COBL: variants seen among roughly 807,000 people sequenced by gnomAD.
The protein encoded by COBL is protein cordon-bleu.
In COBL, 51 loss-of-function variants were observed where a neutral mutation model predicts 98.8. The observed-to-expected ratio is 0.52, with a 90% CI of 0.41 to 0.65. COBL has a LOEUF of 0.65. Among genes scored for constraint, COBL ranks in the 30% least tolerant of loss-of-function variants. The probability of loss-of-function intolerance (pLI) is 0.00; values close to 1 mark genes in which losing one functional copy is unlikely to be tolerated. For missense variants in COBL, 1,617 were observed against 1,617.5 expected, an observed-to-expected ratio of 1.00 and a Z score of 0.01; for synonymous variants, 634 against 651.7, an observed-to-expected ratio of 0.97 and a Z score of 0.41.
intron 6 of COBL, among the ~76,000 whole-genome samples, chr7:51,085,738 G>C (rs988048004): frequency 6.6e-6 from 1 of 152,128 alleles, no homozygotes; most frequent in Non-Finnish European, 1.5e-5. Flanking sequence ...GAGCTGATGG[G>C]GGCAGCTCAG....
At chr7:51,176,762 G>A (rs966063035) in intron 5 of COBL, among the ~76,000 whole-genome samples, 2 of 152,134 alleles carry the variant, frequency 1.3e-5, no homozygotes, top group African/African-American at 2.4e-5. Context: ...CACCTGACTC[G>A]TGGCTAAAAT....
chr7:51,204,677 A>T (rs543337185), intron 2 of COBL, among the ~76,000 whole-genome samples: 1 of 151,998 alleles, frequency 6.6e-6, no homozygotes, highest in African/African-American at 2.4e-5. Flanking sequence ...CAGCCTCCCA[A>T]GTAGCTAGGA....
intron 1 of COBL, among the ~76,000 whole-genome samples, chr7:51,287,701 T>C (rs986082073): frequency 6.6e-6 from 1 of 152,218 alleles, no homozygotes; most frequent in Non-Finnish European, 1.5e-5. Flanking sequence ...ATAGCAGCTC[T>C]ATTCACACTC....
Position 51,081,086 on chromosome 7 carries a change from G to T in COBL, c.1096+4080C>A, listed in dbSNP as rs138722471. The stretch of plus-strand genomic sequence containing the variant: ...ATGTGGTGCGCTGGCAGCCAGGAGC[G>T]CGGGGCAGGAGCGGGGCAGGAGAGG... On this transcript the variant is annotated intron_variant, in intron 7 of 12. Transcript: ENST00000265136. Among the ~76,000 whole-genome samples the T allele has an allele frequency of 2.8e-3, 429 of 151,116 alleles. 2 individuals carry two copies. Among genetic ancestry groups the T allele is most frequent in the Admixed American group, 6.0e-3 (91 of 15,290 alleles).
chr7:51,194,188 A>G (rs917314326), intron 2 of COBL, among the ~76,000 whole-genome samples: 10 of 152,122 alleles, frequency 6.6e-5, no homozygotes, highest in African/African-American at 1.9e-4. Context: ...GCTCCCACCT[A>G]TAAGTGAGAA....
intron 1 of COBL, among the ~76,000 whole-genome samples, chr7:51,244,577 G>A (rs1410640830): frequency 6.6e-6 from 1 of 152,010 alleles, no homozygotes; most frequent in Non-Finnish European, 1.5e-5. Context: ...GTCTCATGGG[G>A]CCCAGCCTCT....
chr7:51,226,829 T>C (rs1192940021), intron 1 of COBL, among the ~76,000 whole-genome samples: 1 of 152,202 alleles, frequency 6.6e-6, no homozygotes, highest in African/African-American at 2.4e-5. Context: ...CCAGCCACCA[T>C]GCCACACTGT....
At chr7:51,125,243 CTT>C (rs1798092848) in intron 6 of COBL, among the ~76,000 whole-genome samples, 1 of 152,110 alleles carries the variant, frequency 6.6e-6, no homozygotes, top group Non-Finnish European at 1.5e-5. Context: ...TATGACTGTA[CTT>C]ATAAGAAGAG....
intron 1 of COBL, among the ~76,000 whole-genome samples, chr7:51,254,017 A>G (rs1470645969): frequency 1.3e-5 from 2 of 151,902 alleles, no homozygotes; most frequent in Non-Finnish European, 2.9e-5. Flanking sequence ...TCTAATTCCT[A>G]TTTTTATGTT....
At chr7:51,218,173 TC>T (rs1315577551) in intron 2 of COBL, among the ~76,000 whole-genome samples, 5 of 152,292 alleles carry the variant, frequency 3.3e-5, no homozygotes, top group African/African-American at 1.2e-4. Context: ...CGAGCAATGC[TC>T]CCCAAATTTT....
At chr7:51,285,769 A>G (rs1800300292) in intron 1 of COBL, among the ~76,000 whole-genome samples, 1 of 152,224 alleles carries the variant, frequency 6.6e-6, no homozygotes, top group Admixed American at 6.5e-5. Flanking sequence ...AAAGGCAAAG[A>G]AATGAGAAGA....
chr7:51,284,949 CTT>C (rs750844781), intron 1 of COBL, among the ~76,000 whole-genome samples: 19 of 142,736 alleles, frequency 1.3e-4, no homozygotes, highest in Admixed American at 1.4e-4. Flanking sequence ...TTCCATCCAA[CTT>C]TTTTTTTTTT....
rs146959922 is a variant in COBL, at chr7:51,026,618, C to T, written c.3432G>A (p.Thr1144=). The change falls in exon 11 of 13, where the codon ACG becomes ACA. Residue 1144 remains threonine (T), a synonymous_variant. Coordinates refer to ENST00000265136, the MANE Select transcript of COBL (RefSeq NM_015198.5). ...GEGRPAKLSY[T]EAEGERSALL... ...GTGCAGATCGTTCGCCCTCTGCCTC[C>T]GTGTAGGACAGTTTCGCTGGCCTGC... is the stretch of plus-strand genomic sequence containing the variant. 4.2e-4 allele frequency: 684 copies of T among 1,614,140 alleles called. 2 individuals carry two copies. In the African/African-American group the frequency reaches 7.9e-3, roughly 19 times the overall value.
At chr7:51,146,580 T>G (rs1257860631) in intron 5 of COBL, among the ~76,000 whole-genome samples, 1 of 147,424 alleles carries the variant, frequency 6.8e-6, no homozygotes, top group Non-Finnish European at 1.5e-5. Context: ...CATTAAGATA[T>G]TATCTCTTGT....
At chr7:51,301,271 C>CCT (rs966808866) in intron 1 of COBL, among the ~76,000 whole-genome samples, 7 of 152,150 alleles carry the variant, frequency 4.6e-5, no homozygotes, top group African/African-American at 1.4e-4. Flanking sequence ...CAGGCAGCAC[C>CCT]CTCAGCACTA....
At chr7:51,128,619 C>A (rs1203021271) in intron 6 of COBL, among the ~76,000 whole-genome samples, 1 of 152,206 alleles carries the variant, frequency 6.6e-6, no homozygotes. Flanking sequence ...AGCAGAAGCT[C>A]GGCCGCTCAC....
intron 7 of COBL, among the ~76,000 whole-genome samples, chr7:51,052,480 T>G (rs561840673): frequency 6.6e-6 from 1 of 152,334 alleles, no homozygotes. Context: ...AAACCTTCAG[T>G]CCTTTTTTAC....
intron 8 of COBL, among the ~76,000 whole-genome samples, chr7:51,038,553 C>T (rs892580497): frequency 3.9e-5 from 6 of 152,156 alleles, no homozygotes; most frequent in Admixed American, 3.9e-4. Context: ...TAGAACATAG[C>T]GAGGTAGACC....
At chr7:51,204,595 A>T (rs1037335828) in intron 2 of COBL, among the ~76,000 whole-genome samples, 1 of 147,374 alleles carries the variant, frequency 6.8e-6, no homozygotes, top group Non-Finnish European at 1.5e-5. Context: ...CTCTGTCGCC[A>T]GGCTGGAGTG....
Sources: allele counts gnomAD v4.1 joint callset (sites outside exome capture counted in the v4.1 genomes callset), GRCh38; gene constraint gnomAD v4.1.1; transcripts MANE v1.5; gene names NCBI Gene and HGNC (gene_info 2026-07-23, HGNC 2026-07-21).